The following AGBL4 variants were observed in gnomAD, a reference collection of about 807,000 sequenced individuals.
AGBL4 encodes the protein cytosolic carboxypeptidase 6.
In AGBL4, 58 loss-of-function variants were observed where a neutral mutation model predicts 66.4. The observed-to-expected ratio is 0.87, with a 90% CI of 0.71 to 1.09. The LOEUF is 1.09. Ranked by LOEUF, AGBL4 falls within the 50% of genes least tolerant of loss-of-function variation. AGBL4 has a pLI of 0.00. For missense variants in AGBL4, 579 were observed against 631.0 expected (o/e 0.92, Z 0.88); for synonymous variants, 234 against 222.9 (o/e 1.05, Z -0.44).
At chr1:48,737,653 C>G (rs1310887944) in intron 6 of AGBL4, among the ~76,000 whole-genome samples, 1 of 152,140 alleles carries the variant, frequency 6.6e-6, no homozygotes, top group Non-Finnish European at 1.5e-5. Flanking sequence ...CAGTGCAGAG[C>G]CAATAAGACC....
At position 49,425,717 on chromosome 1, in the gene AGBL4, C is replaced by G. The variant is rs150715748; in HGVS notation, c.283-179853G>C. 2.8e-4 allele frequency among the ~76,000 whole-genome samples: 43 copies of G among 152,322 alleles called. 1 individual carries two copies. The East Asian group carries it at 7.7e-3, about 27-fold the overall frequency. ...GCCTGGCTCAACTTAGCTATAGCCC[C>G]TCTCATCTCTGCCTCATGACCAAAG... On this transcript the variant is annotated intron_variant, in intron 3 of 13. Coordinates refer to ENST00000371839, the MANE Select transcript of AGBL4 (RefSeq NM_032785.4).
At chr1:48,808,736 A>G (rs531112025) in intron 6 of AGBL4, among the ~76,000 whole-genome samples, 5 of 152,234 alleles carry the variant, frequency 3.3e-5, no homozygotes, top group Non-Finnish European at 7.3e-5. Context: ...CCAGCGAGTC[A>G]GCACAAAGGC....
intron 2 of AGBL4, among the ~76,000 whole-genome samples, chr1:49,721,267 G>C (rs555399951): frequency 1.3e-5 from 2 of 152,208 alleles, no homozygotes; most frequent in South Asian, 2.1e-4. Flanking sequence ...GTGGCAATCC[G>C]CTCGGGTCCC....
chr1:49,054,325 G>A (rs942409565), intron 4 of AGBL4, among the ~76,000 whole-genome samples: 3 of 151,892 alleles, frequency 2.0e-5, no homozygotes, highest in Non-Finnish European at 4.4e-5. Flanking sequence ...AAAGCTTTTG[G>A]AAATTAATTC....
At chr1:49,299,761 T>C (rs1480211552) in intron 3 of AGBL4, among the ~76,000 whole-genome samples, 4 of 152,166 alleles carry the variant, frequency 2.6e-5, no homozygotes, top group Non-Finnish European at 5.9e-5. Flanking sequence ...TAAGTACCAA[T>C]GTAATCTAGA....
intron 3 of AGBL4, among the ~76,000 whole-genome samples, chr1:49,542,245 T>C (rs559371007): frequency 2.6e-5 from 4 of 152,324 alleles, no homozygotes; most frequent in African/African-American, 9.6e-5. Flanking sequence ...AGTGGCAACC[T>C]GCTCAGGTCC....
chr1:49,080,260 A>G (rs577954765), intron 4 of AGBL4, among the ~76,000 whole-genome samples: 2 of 152,322 alleles, frequency 1.3e-5, no homozygotes, highest in African/African-American at 2.4e-5. Context: ...GAGAGTACAA[A>G]GCTGAACTAT....
At chr1:49,851,940 GTTTAAA>G (rs1413179304) in intron 1 of AGBL4, among the ~76,000 whole-genome samples, 4 of 152,078 alleles carry the variant, frequency 2.6e-5, no homozygotes, top group Admixed American at 2.0e-4. Flanking sequence ...ATATTCAATT[GTTTAAA>G]TTTGAATAAA....
chr1:48,638,438 T>C (rs1645702757), intron 8 of AGBL4, among the ~76,000 whole-genome samples: 1 of 152,258 alleles, frequency 6.6e-6, no homozygotes, highest in Non-Finnish European at 1.5e-5. Flanking sequence ...CTGGATTGCA[T>C]ACATGAATTA....
At chr1:48,580,250 C>A (rs969069658) in intron 11 of AGBL4, among the ~76,000 whole-genome samples, 12 of 152,182 alleles carry the variant, frequency 7.9e-5, no homozygotes, top group Admixed American at 2.0e-4. Context: ...GCTCAAGCAC[C>A]AGGAGAGGGT....
At chr1:49,516,391 T>C (rs1005981185) in intron 3 of AGBL4, among the ~76,000 whole-genome samples, 5 of 151,984 alleles carry the variant, frequency 3.3e-5, no homozygotes, top group Admixed American at 6.6e-5. Flanking sequence ...TAAATAGATG[T>C]TAAAGAAATA....
At chr1:48,760,519 A>G (rs1644200544) in intron 6 of AGBL4, among the ~76,000 whole-genome samples, 1 of 151,844 alleles carries the variant, frequency 6.6e-6, no homozygotes, top group Admixed American at 6.6e-5. Context: ...TCATTTATCT[A>G]AAGTGATCGT....
intron 3 of AGBL4, among the ~76,000 whole-genome samples, chr1:49,509,587 T>C (rs1649017194): frequency 6.6e-6 from 1 of 151,948 alleles, no homozygotes; most frequent in Non-Finnish European, 1.5e-5. Context: ...GTGAAAAGTT[T>C]GCATTTTGAA....
At chr1:49,257,867 G>A (rs1341655670) in intron 3 of AGBL4, among the ~76,000 whole-genome samples, 2 of 152,116 alleles carry the variant, frequency 1.3e-5, no homozygotes, top group Admixed American at 1.3e-4. Flanking sequence ...CCTCTAGAGG[G>A]TCCCTGACCC....
At chr1:48,544,361 G>A (rs1340836796) in intron 11 of AGBL4, among the ~76,000 whole-genome samples, 3 of 152,168 alleles carry the variant, frequency 2.0e-5, no homozygotes, top group African/African-American at 7.2e-5. Flanking sequence ...TGTGGACTGA[G>A]GTAAAAGATT....
chr1:49,108,837 T>A (rs1191409451), intron 4 of AGBL4, among the ~76,000 whole-genome samples: 1 of 152,092 alleles, frequency 6.6e-6, no homozygotes, highest in Non-Finnish European at 1.5e-5. Context: ...CCTACAGCAT[T>A]TGTTAAGGCC....
intron 3 of AGBL4, among the ~76,000 whole-genome samples, chr1:49,614,424 T>C (rs907890767): frequency 3.3e-5 from 5 of 152,176 alleles, no homozygotes; most frequent in Admixed American, 6.6e-5. Flanking sequence ...TATTCCATGG[T>C]ATGAGGTAAC....
chr1:49,776,370 G>C (rs543395047), intron 2 of AGBL4, among the ~76,000 whole-genome samples: 1 of 152,120 alleles, frequency 6.6e-6, no homozygotes, highest in South Asian at 2.1e-4. Context: ...TTCTCAAAAT[G>C]TAAATAGGAT....
intron 4 of AGBL4, among the ~76,000 whole-genome samples, chr1:49,104,921 C>G (rs1227768006): frequency 6.6e-6 from 1 of 152,176 alleles, no homozygotes; most frequent in African/African-American, 2.4e-5. Context: ...CAAGAATCCT[C>G]CTAGAGCTGG....
Sources: gnomAD v4.1 joint callset for allele counts (sites outside exome capture counted in the v4.1 genomes callset) on GRCh38, gnomAD v4.1.1 for gene constraint, MANE v1.5 for transcripts, NCBI Gene and HGNC (gene_info 2026-07-23, HGNC 2026-07-21) for gene names.